The following OR4D2 variants were observed in gnomAD, a reference collection of about 807,000 sequenced individuals.
The protein encoded by OR4D2 is olfactory receptor family 4 subfamily D member 2.
In OR4D2, 9 loss-of-function variants were observed where a neutral mutation model predicts 12.4. That is an observed-to-expected ratio of 0.73 (90% CI 0.44 to 1.27). The LOEUF (loss-of-function observed/expected upper bound fraction) is 1.27. Among genes scored for constraint, OR4D2 ranks in the 50% most tolerant of loss-of-function variants. The pLI is 0.00. For missense variants in OR4D2, 373 were observed against 381.6 expected (o/e 0.98, Z 0.19); for synonymous variants, 151 against 151.1 (o/e 1.00, Z 0.01).
chr17:58,167,128 G>A (rs546409258), intron 1 of OR4D2, 75 bp downstream of exon 1: 1 of 152,316 alleles, frequency 6.6e-6, no homozygotes, highest in African/African-American at 2.4e-5. Flanking sequence ...TATTAAGTTG[G>A]CAAACATTTC....
At chr17:58,167,682 C>CCT (rs1244358232) in intron 1 of OR4D2, among the ~76,000 whole-genome samples, 1 of 152,130 alleles carries the variant, frequency 6.6e-6, no homozygotes, top group Non-Finnish European at 1.5e-5. Flanking sequence ...ATGATCACAT[C>CCT]TGAGTCAGAG....
Position 58,170,767 on chromosome 17 carries a change from A to G in OR4D2, c.*188A>G, listed in dbSNP as rs550796170. 1.7e-6 allele frequency: 1 copy of G among 602,758 alleles called. No homozygotes were observed. Among genetic ancestry groups the G allele is most frequent in the Admixed American group, 3.0e-5 (1 of 33,778 alleles). The allele number at this position is 602,758 out of a possible 1,614,324, so 37.3% of individuals were successfully genotyped here. ...CTCTTTGGTGGTTAAGGTTTGTGAT[A>G]AAGAGTTTTAACACACTCGCAACAA... On this transcript the variant is annotated 3_prime_UTR_variant, in exon 2 of 2. Coordinates refer to ENST00000545221, the MANE Select transcript of OR4D2 (RefSeq NM_001004707.4).
rs757054127 is a variant in OR4D2 at position 58,169,742 on chromosome 17, A to G, written c.87A>G (p.Leu29=). 3 of 1,613,964 alleles carry G rather than the reference A, an allele frequency of 1.9e-6. No homozygotes were observed. The highest frequency in any genetic ancestry group is 1.6e-4 in the Middle Eastern group (1 of 6,062). The change falls in exon 2 of 2, where the codon CTA becomes CTG. Residue 29 remains leucine (L), a synonymous_variant. Transcript: ENST00000545221. The part of the protein sequence containing the change: ...QTRELQRFLF[L]MFLFVYITTV... Reference sequence around the variant, plus strand: ...GGGAGCTCCAGCGTTTCCTGTTTCTAATGTTCCTGTTTGTCTACATCACCA... The same window carrying G: ...GGGAGCTCCAGCGTTTCCTGTTTCTGATGTTCCTGTTTGTCTACATCACCA...
chr17:58,170,459 C>T lies in OR4D2; in HGVS notation c.804C>T (p.Asp268=). 2 of 1,614,156 alleles carry T rather than the reference C, an allele frequency of 1.2e-6. No individual in the cohort carries two copies. Among genetic ancestry groups the T allele is most frequent in the Non-Finnish European group, 1.7e-6 (2 of 1,179,984 alleles). Residue 268 remains aspartate (D), a synonymous_variant, in exon 2 of 2, where the codon GAC becomes GAT. Coordinates refer to ENST00000545221, the MANE Select transcript of OR4D2 (RefSeq NM_001004707.4). ...YARPFTPFPM[D]KLVSIGHTVM... The stretch of plus-strand genomic sequence containing the variant: ...GGCCCTTCACTCCATTCCCTATGGA[C>T]AAGCTTGTGTCCATCGGCCACACAG...
At chr17:58,168,284 G>A (rs1967915206) in intron 1 of OR4D2, among the ~76,000 whole-genome samples, 2 of 151,772 alleles carry the variant, frequency 1.3e-5, no homozygotes, top group Admixed American at 1.3e-4. Flanking sequence ...TCCACTCACT[G>A]CAGCCTCCAA....
chr17:58,170,033 C>T lies in OR4D2; in HGVS notation c.378C>T (p.Ile126=). The change falls in exon 2 of 2, where the codon ATC becomes ATT. Residue 126 remains isoleucine (I), a synonymous_variant. Transcript: ENST00000545221. ...TGGCCTTTGACCGCCTCATTGCCAT[C>T]TCCCGGCCCCTCCGCTATGTCACCG... ...SVMAFDRLIA[I]SRPLRYVTVM... 1 of 1,614,180 alleles carries T rather than the reference C, an allele frequency of 6.2e-7. No individual in the cohort carries two copies. The highest frequency in any genetic ancestry group is 1.1e-5 in the South Asian group (1 of 91,074).
At position 58,170,338 on chromosome 17, in the gene OR4D2, A is replaced by G. The variant is rs1171860939; in HGVS notation, c.683A>G (p.His228Arg). The stretch of plus-strand genomic sequence containing the variant: ...TTCATCCTGGTGATGCTGAGGTCAC[A>G]TCCAGGGGAGGCAAGAAGGAAGGCA... ...YLFILVMLRSHPGEARRKAAS... is the reference protein window; with the variant it reads ...YLFILVMLRSRPGEARRKAAS... The change falls in exon 2 of 2, where the codon CAT becomes CGT. Residue 228 changes from histidine (H) to arginine (R), a missense_variant. By Grantham distance (29) the His-to-Arg change is conservative. Transcript: ENST00000545221. 1.2e-6 allele frequency: 2 copies of G among 1,614,144 alleles called. No individual in the cohort carries two copies. Among genetic ancestry groups the G allele is most frequent in the South Asian group, 1.1e-5 (1 of 91,074 alleles).
intron 1 of OR4D2, among the ~76,000 whole-genome samples, chr17:58,167,805 G>A (rs994639695): frequency 6.6e-6 from 1 of 151,692 alleles, no homozygotes; most frequent in East Asian, 1.9e-4. Flanking sequence ...ACGAGGTCAG[G>A]AGATCGAGAC....
At chr17:58,169,564 G>A (rs1286762691) in intron 1 of OR4D2, 74 bp from the exon 2 acceptor site, 4 of 961,220 alleles carry the variant, frequency 4.2e-6, no homozygotes, top group Non-Finnish European at 6.7e-6. Context: ...CTAAAACCTT[G>A]GTTCTGAGCC....
At chr17:58,169,011 T>C (rs1023804477) in intron 1 of OR4D2, among the ~76,000 whole-genome samples, 4 of 146,474 alleles carry the variant, frequency 2.7e-5, no homozygotes, top group South Asian at 2.2e-4. Flanking sequence ...GATCCAGATA[T>C]AGGCTTTGGA....
rs1967958094 is a variant in OR4D2 at position 58,170,893 on chromosome 17, T to C, written c.*314T>C. On this transcript the variant is annotated 3_prime_UTR_variant, in exon 2 of 2. Transcript: ENST00000545221. ...CATTTCCCCTGTGCGAACATTTCTATTTTCCGTATTTTGAGCTCTCTTCCC... is the reference window on the plus strand; with the variant it reads ...CATTTCCCCTGTGCGAACATTTCTACTTTCCGTATTTTGAGCTCTCTTCCC... The C allele has an allele frequency of 5.4e-6, 2 of 368,956 alleles. No individual in the cohort carries two copies. The highest frequency in any genetic ancestry group is 1.0e-5 in the Non-Finnish European group (2 of 196,770). The allele number at this position is 368,956 out of a possible 1,614,324, so 22.9% of individuals were successfully genotyped here. A position where few individuals can be genotyped will look rare whatever the true frequency, so the allele number is the denominator to read the frequency against.
rs1490067606 is a variant in OR4D2, at chr17:58,170,113, T to C, written c.458T>C (p.Phe153Ser). The C allele has an allele frequency of 2.7e-5, 44 of 1,614,106 alleles. No homozygotes were observed. Among genetic ancestry groups the C allele is most frequent in the Non-Finnish European group, 3.7e-5 (44 of 1,180,010 alleles). ...GTGGTAGCCACCTGGGTGGGAGGCT[T>C]TGTCCACTCTATTGTCCAGCTGGCT... is the stretch of plus-strand genomic sequence containing the variant. ...GLVVATWVGG[F>S]VHSIVQLALM... Residue 153 changes from phenylalanine to serine, a missense_variant, in exon 2 of 2, where the codon TTT becomes TCT. By Grantham distance (155) the Phe-to-Ser change is radical. Coordinates refer to ENST00000545221, the MANE Select transcript of OR4D2 (RefSeq NM_001004707.4).
In OR4D2 at chr17:58,170,214, C is replaced by T. The variant is rs74730740; in HGVS notation, c.559C>T (p.Leu187Phe). The change falls in exon 2 of 2, where the codon CTT becomes TTT. Residue 187 changes from leucine (L) to phenylalanine (F), a missense_variant. Transcript: ENST00000545221. ...CTGTGATGTTCCCCAAGTACTGAGA[C>T]TTGCCTGCACTGACACCTCACTGCT... is the stretch of plus-strand genomic sequence containing the variant. ...FYCDVPQVLR[L>F]ACTDTSLLEF... 177,570 of 1,613,860 alleles carry T rather than the reference C, an allele frequency of 0.11. 10,593 individuals carry two copies. Among genetic ancestry groups the T allele is most frequent in the South Asian group, 0.15 (13,417 of 91,060 alleles).
At chr17:58,169,537 A>G in intron 1 of OR4D2, 101 bp from the exon 2 acceptor site, 2 of 764,160 alleles carry the variant, frequency 2.6e-6, no homozygotes, top group South Asian at 3.1e-5. Flanking sequence ...ACACATAAGG[A>G]TGCTCATCAT....
rs1967938425 is a variant in OR4D2, at chr17:58,169,880, A to G, written c.225A>G (p.Ser75=). The G allele has an allele frequency of 6.2e-7, 1 of 1,614,092 alleles. No homozygotes were observed. The highest frequency in any genetic ancestry group is 8.5e-7 in the Non-Finnish European group (1 of 1,180,004). The part of the protein sequence containing the change: ...NLAVLDLCFS[S]VTAPKMLVDL... Reference sequence around the variant, plus strand: ...CTGTCCTAGACCTCTGTTTCTCTTCAGTCACTGCTCCCAAAATGCTAGTGG... The same window carrying G: ...CTGTCCTAGACCTCTGTTTCTCTTCGGTCACTGCTCCCAAAATGCTAGTGG... The change falls in exon 2 of 2, where the codon TCA becomes TCG. Residue 75 remains serine (S), a synonymous_variant. Transcript: ENST00000545221.
chr17:58,170,810 G>A lies in OR4D2; in HGVS notation c.*231G>A, dbSNP rs1203315015. The A allele has an allele frequency of 5.6e-6, 3 of 535,654 alleles. No individual in the cohort carries two copies. The highest frequency in any genetic ancestry group is 6.7e-6 in the Non-Finnish European group (2 of 300,400). 33.2% of individuals were successfully genotyped at this position (535,654 alleles called of 1,614,324 possible). A position where few individuals can be genotyped will look rare whatever the true frequency, so the allele number is the denominator to read the frequency against. On this transcript the variant is annotated 3_prime_UTR_variant, in exon 2 of 2. Transcript: ENST00000545221. ...CGCAACAATGAGAATTGTTCACATG[G>A]CCCCTGAAAACCACACCTTCCTTTT...
At position 58,170,997 on chromosome 17, in the gene OR4D2, T is replaced by C. The variant is rs560059792; in HGVS notation, c.*418T>C. 4.5e-4 allele frequency: 96 copies of C among 212,222 alleles called. 3 individuals are homozygous for C. The South Asian group carries it at 6.3e-3, about 14-fold the overall frequency. The allele number at this position is 212,222 out of a possible 1,614,324, so 13.1% of individuals were successfully genotyped here. On this transcript the variant is annotated 3_prime_UTR_variant, in exon 2 of 2. Coordinates refer to ENST00000545221, the MANE Select transcript of OR4D2 (RefSeq NM_001004707.4). Reference sequence around the variant, plus strand: ...GTCTTAAGCTCTAAATTAGAGGCCCTGACCCATCATTGACCAAACTGATGA... The same window carrying C: ...GTCTTAAGCTCTAAATTAGAGGCCCCGACCCATCATTGACCAAACTGATGA...
chr17:58,170,550 A>G lies in OR4D2; in HGVS notation c.895A>G (p.Arg299Gly), dbSNP rs1967953373. 3 of 1,614,188 alleles carry G rather than the reference A, an allele frequency of 1.9e-6. No individual in the cohort carries two copies. The highest frequency in any genetic ancestry group is 2.5e-6 in the Non-Finnish European group (3 of 1,180,016). The stretch of plus-strand genomic sequence containing the variant: ...GAACCAGGACATGCAGGCAGCAGTG[A>G]GAAGATTAGGGAGACACCGGCTGGT... ...LRNQDMQAAV[R>G]RLGRHRLV Residue 299 changes from arginine (R) to glycine (G), a missense_variant, in exon 2 of 2, where the codon AGA (arginine) becomes GGA (glycine). Physicochemically the swap from Arg to Gly is moderately radical, Grantham distance 125. Transcript: ENST00000545221.
Position 58,169,824 on chromosome 17 carries a change from A to G in OR4D2, c.169A>G (p.Thr57Ala). 1 of 1,614,078 alleles carries G rather than the reference A, an allele frequency of 6.2e-7. No individual in the cohort carries two copies. Among genetic ancestry groups the G allele is most frequent in the South Asian group, 1.1e-5 (1 of 91,062 alleles). ...AGTGACCTCTGATTCCCAGCTCCAC[A>G]CACCCATGTACTTTCTGCTCCGAAA... ...ITVTSDSQLH[T>A]PMYFLLRNLA... The change falls in exon 2 of 2, where the codon ACA (threonine) becomes GCA (alanine). Residue 57 changes from threonine to alanine, a missense_variant. Coordinates refer to ENST00000545221, the MANE Select transcript of OR4D2 (RefSeq NM_001004707.4).
Sources: allele counts gnomAD v4.1 joint callset (sites outside exome capture counted in the v4.1 genomes callset), GRCh38; gene constraint gnomAD v4.1.1; transcripts MANE v1.5; gene names NCBI Gene and HGNC (gene_info 2026-07-23, HGNC 2026-07-21).